The following AOPEP variants were observed in gnomAD, a reference collection of about 807,000 sequenced individuals.
AOPEP encodes aminopeptidase O.
In AOPEP, 77 loss-of-function variants were observed where a neutral mutation model predicts 98.1. That is an observed-to-expected ratio of 0.78 (90% CI 0.65 to 0.95). The LOEUF is 0.95. Ranked by LOEUF, AOPEP falls within the 40% of genes least tolerant of loss-of-function variation. The pLI, the probability that AOPEP is intolerant of heterozygous loss-of-function variation, is 0.00. For missense variants in AOPEP, 1,024 were observed against 1,024.7 expected, an observed-to-expected ratio of 1.00 and a Z score of 0.01; for synonymous variants, 346 against 365.3, an observed-to-expected ratio of 0.95 and a Z score of 0.60.
chr9:94,798,717 C>A (rs375930543), intron 4 of AOPEP, among the ~76,000 whole-genome samples: 3 of 152,134 alleles, frequency 2.0e-5, no homozygotes, highest in African/African-American at 7.2e-5. Context: ...ATTATATGAA[C>A]TGAAATTACT....
intron 5 of AOPEP, among the ~76,000 whole-genome samples, chr9:94,919,379 G>A (rs2053266268): frequency 6.6e-6 from 1 of 152,042 alleles, no homozygotes; most frequent in African/African-American, 2.4e-5. Context: ...CACTGCAGTC[G>A]GGTGGGTGCC....
chr9:94,936,276 C>T (rs188576324), intron 7 of AOPEP, among the ~76,000 whole-genome samples: 1 of 152,312 alleles, frequency 6.6e-6, no homozygotes, highest in Admixed American at 6.5e-5. Context: ...GCATGCAAGT[C>T]CCTGCACATC....
the AOPEP span, among the ~76,000 whole-genome samples, chr9:95,103,974 G>C: frequency 6.6e-6 from 1 of 152,248 alleles, no homozygotes; most frequent in Non-Finnish European, 1.5e-5. Flanking sequence ...CAGAGCCTGG[G>C]ACCAGCTGGG....
chr9:94,961,865 G>A (rs1026056756), intron 9 of AOPEP, among the ~76,000 whole-genome samples: 3 of 152,120 alleles, frequency 2.0e-5, no homozygotes, highest in Admixed American at 6.5e-5. Flanking sequence ...GTTGCCATAC[G>A]TTTCTTTTTG....
At chr9:94,828,961 C>T (rs771809247) in intron 5 of AOPEP, among the ~76,000 whole-genome samples, 4 of 151,756 alleles carry the variant, frequency 2.6e-5, no homozygotes, top group African/African-American at 4.8e-5. Flanking sequence ...CTCTGCCTCC[C>T]GGGTTCAGGT....
chr9:95,092,295 A>G, the AOPEP span, among the ~76,000 whole-genome samples: 1 of 152,010 alleles, frequency 6.6e-6, no homozygotes, highest in Non-Finnish European at 1.5e-5. Context: ...TGCTGTAAAG[A>G]CCAGAGCCTC....
intron 5 of AOPEP, among the ~76,000 whole-genome samples, chr9:94,850,401 C>T (rs149788239): frequency 6.6e-6 from 1 of 152,186 alleles, no homozygotes; most frequent in Non-Finnish European, 1.5e-5. Context: ...GCGGACACTA[C>T]AGAAATGACC....
At chr9:95,042,377 A>G (rs1216497790) in intron 13 of AOPEP, among the ~76,000 whole-genome samples, 1 of 151,974 alleles carries the variant, frequency 6.6e-6, no homozygotes, top group African/African-American at 2.4e-5. Flanking sequence ...AAAATAAAGG[A>G]TGTCATTGTC....
At chr9:94,876,867 A>AT (rs1257854706) in intron 5 of AOPEP, among the ~76,000 whole-genome samples, 3 of 152,160 alleles carry the variant, frequency 2.0e-5, no homozygotes, top group Non-Finnish European at 4.4e-5. Flanking sequence ...GGTTGAATGC[A>AT]TATATTGTTA....
chr9:95,085,730 A>T (rs1161230403), intron 16 of AOPEP, among the ~76,000 whole-genome samples: 5 of 152,236 alleles, frequency 3.3e-5, no homozygotes, highest in Non-Finnish European at 4.4e-5. Context: ...CCACAGAAAC[A>T]TGCACTAATC....
chr9:94,774,301 G>C (rs1841577791), intron 3 of AOPEP, among the ~76,000 whole-genome samples: 1 of 96,284 alleles, frequency 1.0e-5, no homozygotes, highest in African/African-American at 4.3e-5. Context: ...GACAGAGTGA[G>C]ACTCCATCTC....
intron 14 of AOPEP, among the ~76,000 whole-genome samples, chr9:95,074,600 A>G (rs552479884): frequency 6.6e-6 from 1 of 152,242 alleles, no homozygotes; most frequent in Non-Finnish European, 1.5e-5. Context: ...TAAGCAGAAC[A>G]CTTTGAACAG....
intron 5 of AOPEP, among the ~76,000 whole-genome samples, chr9:94,845,275 G>A (rs1413362611): frequency 7.2e-5 from 11 of 152,220 alleles, no homozygotes; most frequent in African/African-American, 2.2e-4. Context: ...CCCCCGAGGT[G>A]GGAAGCACTT....
chr9:95,053,129 GA>G (rs2066527494), intron 13 of AOPEP, among the ~76,000 whole-genome samples: 1 of 152,128 alleles, frequency 6.6e-6, no homozygotes, highest in South Asian at 2.1e-4. Flanking sequence ...TTGTGGTAAT[GA>G]ATTTCTTCAT....
chr9:94,839,984 T>C (rs1203460205), intron 5 of AOPEP, among the ~76,000 whole-genome samples: 1 of 152,130 alleles, frequency 6.6e-6, no homozygotes, highest in Non-Finnish European at 1.5e-5. Context: ...TCCAAGCTGA[T>C]CTTGAACTCC....
intron 13 of AOPEP, among the ~76,000 whole-genome samples, chr9:95,035,507 A>ATTTTTT (rs542840000): frequency 1.5e-5 from 1 of 67,948 alleles, no homozygotes; most frequent in African/African-American, 5.9e-5. Context: ...GCTTCAGATA[A>ATTTTTT]TTTTTTTTTT....
At chr9:94,751,580 G>A (rs1262392651) in intron 1 of AOPEP, among the ~76,000 whole-genome samples, 2 of 152,122 alleles carry the variant, frequency 1.3e-5, no homozygotes, top group African/African-American at 4.8e-5. Context: ...TGTTGATTGA[G>A]TGATATAATC....
chr9:94,743,029 G>A (rs2131988651), intron 1 of AOPEP, among the ~76,000 whole-genome samples: 1 of 152,062 alleles, frequency 6.6e-6, no homozygotes, highest in South Asian at 2.1e-4. Flanking sequence ...AAGAGAAGAG[G>A]GCCCACGGCT....
intron 1 of AOPEP, among the ~76,000 whole-genome samples, chr9:94,750,266 T>G (rs1335021044): frequency 1.3e-5 from 2 of 152,190 alleles, no homozygotes; most frequent in African/African-American, 2.4e-5. Context: ...TCTTGAACTC[T>G]AGTCTCTCAT....
Sources: allele counts gnomAD v4.1 joint callset (sites outside exome capture counted in the v4.1 genomes callset), GRCh38; gene constraint gnomAD v4.1.1; transcripts MANE v1.5; gene names NCBI Gene and HGNC (gene_info 2026-07-23, HGNC 2026-07-21).